The following AGBL1 variants were observed in gnomAD, a reference collection of about 807,000 sequenced individuals.
AGBL1 encodes AGBL carboxypeptidase 1, also known as cytosolic carboxypeptidase 4.
A neutral mutation model predicts 118.9 loss-of-function variants in AGBL1; 130 were observed. That is an observed-to-expected ratio of 1.09 (90% CI 0.95 to 1.26). The LOEUF (loss-of-function observed/expected upper bound fraction) is 1.26. Ranked by LOEUF, AGBL1 falls within the 50% of genes most tolerant of loss-of-function variation. The pLI, the probability that AGBL1 is intolerant of heterozygous loss-of-function variation, is 0.00. For missense variants in AGBL1, 1,584 were observed against 1,298.1 expected (o/e 1.22, Z -3.38); for synonymous variants, 555 against 478.9 (o/e 1.16, Z -2.08).
chr15:86,863,760 A>G (rs1463499649), intron 22 of AGBL1, among the ~76,000 whole-genome samples: 1 of 152,226 alleles, frequency 6.6e-6, no homozygotes, highest in Non-Finnish European at 1.5e-5. Flanking sequence ...AAATGTGATC[A>G]TATCTGTGCA....
At position 86,143,831 on chromosome 15, in the gene AGBL1, A is replaced by T. The variant is rs1597452151; in HGVS notation, c.248A>T (p.Lys83Ile). ...ILLPLFRLLA[K>I]VGLRDKKIGR... ...CTGCCTCTCTTCCGGCTGCTGGCCA[A>T]AGTTGGCCTAAGAGGTACTCGTACT... The change falls in exon 3 of 23, where the codon AAA (lysine) becomes ATA (isoleucine). Residue 83 changes from lysine (K) to isoleucine (I), a missense_variant. Coordinates refer to ENST00000614907, the MANE Select transcript of AGBL1 (RefSeq NM_001386094.1). The T allele has an allele frequency of 2.5e-6, 4 of 1,613,638 alleles. No individual in the cohort carries two copies. The South Asian group carries it at 3.3e-5, about 13-fold the overall frequency.
At chr15:86,659,104 T>A (rs2085502455) in intron 21 of AGBL1, among the ~76,000 whole-genome samples, 1 of 152,112 alleles carries the variant, frequency 6.6e-6, no homozygotes, top group Non-Finnish European at 1.5e-5. Flanking sequence ...CCCCTCCACA[T>A]CCCTTTCCTA....
At chr15:86,733,701 G>A (rs2077557484) in intron 22 of AGBL1, among the ~76,000 whole-genome samples, 1 of 152,164 alleles carries the variant, frequency 6.6e-6, no homozygotes, top group Non-Finnish European at 1.5e-5. Flanking sequence ...ACAATCTTAT[G>A]AGGAGCTATC....
intron 22 of AGBL1, among the ~76,000 whole-genome samples, chr15:86,678,322 C>T (rs752409026): frequency 1.3e-5 from 2 of 152,060 alleles, no homozygotes; most frequent in Non-Finnish European, 2.9e-5. Flanking sequence ...TTTATAAACA[C>T]TTGTTCCTAT....
chr15:86,420,211 G>C (rs1244366861), intron 18 of AGBL1, among the ~76,000 whole-genome samples: 1 of 152,184 alleles, frequency 6.6e-6, no homozygotes, highest in Non-Finnish European at 1.5e-5. Context: ...CCTCACACAG[G>C]AGAGCTTCGG....
At chr15:86,167,452 G>T (rs986268348) in intron 5 of AGBL1, among the ~76,000 whole-genome samples, 3 of 152,058 alleles carry the variant, frequency 2.0e-5, no homozygotes, top group Non-Finnish European at 4.4e-5. Flanking sequence ...CACCATGTTG[G>T]CCAGGCTGAT....
At chr15:86,472,497 A>T (rs955806257) in intron 18 of AGBL1, among the ~76,000 whole-genome samples, 1 of 152,236 alleles carries the variant, frequency 6.6e-6, no homozygotes, top group African/African-American at 2.4e-5. Context: ...TCCTAACATT[A>T]TACAATTTTA....
At chr15:86,697,101 T>A (rs572232728) in intron 22 of AGBL1, among the ~76,000 whole-genome samples, 2 of 152,136 alleles carry the variant, frequency 1.3e-5, no homozygotes, top group South Asian at 4.1e-4. Flanking sequence ...GTGATAAATT[T>A]CCCAGGTGTT....
downstream of AGBL1, among the ~76,000 whole-genome samples, chr15:87,030,385 A>C (rs904084778): frequency 1.3e-5 from 2 of 152,010 alleles, no homozygotes; most frequent in African/African-American, 4.8e-5. Flanking sequence ...TTTTATTTCT[A>C]CTGGGGCAGC....
At chr15:86,088,656 T>C (rs1222394845) in intron 1 of AGBL1, among the ~76,000 whole-genome samples, 1 of 152,218 alleles carries the variant, frequency 6.6e-6, no homozygotes, top group East Asian at 1.9e-4. Context: ...GGTGTGCCAC[T>C]CAAAAAGCGT....
chr15:86,285,964 G>A (rs193266879), intron 16 of AGBL1, among the ~76,000 whole-genome samples: 103 of 152,010 alleles, frequency 6.8e-4, no homozygotes, highest in Middle Eastern at 3.4e-3. Context: ...ACCTGCTTCC[G>A]CATATCTGAT....
At chr15:86,290,510 C>T (rs910683558) in intron 16 of AGBL1, among the ~76,000 whole-genome samples, 4 of 151,268 alleles carry the variant, frequency 2.6e-5, no homozygotes, top group African/African-American at 9.7e-5. Flanking sequence ...ACCACCATGC[C>T]CAGCAATTTT....
chr15:86,554,385 C>G lies in AGBL1; in HGVS notation c.2842C>G (p.Leu948Val). The change falls in exon 21 of 23, where the codon CTA becomes GTA. Residue 948 changes from leucine (L) to valine (V), a missense_variant. Transcript: ENST00000614907. ...YRTLPKILDK[L>V]APAFTMSSCS... is the part of the protein sequence containing the mutation. ...GACTCTTCCCAAAATCCTTGATAAGCTAGCACCAGCATTCACAATGAGCAG... is the reference window on the plus strand; with the variant it reads ...GACTCTTCCCAAAATCCTTGATAAGGTAGCACCAGCATTCACAATGAGCAG... The G allele has an allele frequency of 6.3e-7, 1 of 1,584,728 alleles. No homozygotes were observed. The highest frequency in any genetic ancestry group is 8.6e-7 in the Non-Finnish European group (1 of 1,165,340).
rs187421840 is a variant in AGBL1 at position 86,175,099 on chromosome 15, G to A, written c.488+16073G>A. On this transcript the variant is annotated intron_variant, in intron 5 of 22. Coordinates refer to ENST00000614907, the MANE Select transcript of AGBL1 (RefSeq NM_001386094.1). Reference sequence around the variant, plus strand: ...AATTGGTGTTAGTACTTCCTTATAAGTTTGGTAGAATTCATCAGTAAAGTC... The same window carrying A: ...AATTGGTGTTAGTACTTCCTTATAAATTTGGTAGAATTCATCAGTAAAGTC... Among the ~76,000 whole-genome samples the A allele has an allele frequency of 3.8e-3, 571 of 152,040 alleles. 6 individuals are homozygous for A. The highest frequency in any genetic ancestry group is 0.013 in the African/African-American group (534 of 41,500).
Position 86,143,702 on chromosome 15 carries a change from C to T in AGBL1, c.119C>T (p.Thr40Ile). 1 of 1,613,456 alleles carries T rather than the reference C, an allele frequency of 6.2e-7. No individual in the cohort carries two copies. Among genetic ancestry groups the T allele is most frequent in the South Asian group, 1.1e-5 (1 of 91,052 alleles). The change falls in exon 3 of 23, where the codon ACA becomes ATA. Residue 40 changes from threonine (T) to isoleucine (I), a missense_variant. Thr to Ile is a moderately conservative substitution (Grantham distance 89). Coordinates refer to ENST00000614907, the MANE Select transcript of AGBL1 (RefSeq NM_001386094.1). Reference sequence around the variant, plus strand: ...CTTTCCTCCGGTTTCCCCTCAGGCACAGACCGGAGAATTCACTACATGATC... The same window carrying T: ...CTTTCCTCCGGTTTCCCCTCAGGCATAGACCGGAGAATTCACTACATGATC... Reference protein sequence around the residue: ...KVLGDLLSVGTDRRIHYMISK... With the variant: ...KVLGDLLSVGIDRRIHYMISK...
chr15:86,539,222 T>C (rs1338374765), intron 19 of AGBL1, among the ~76,000 whole-genome samples: 2 of 152,228 alleles, frequency 1.3e-5, no homozygotes, highest in Non-Finnish European at 2.9e-5. Flanking sequence ...TCTGCATTTC[T>C]TCCTATGTTC....
intron 16 of AGBL1, among the ~76,000 whole-genome samples, chr15:86,283,747 A>G (rs2079394064): frequency 6.6e-6 from 1 of 152,092 alleles, no homozygotes; most frequent in Non-Finnish European, 1.5e-5. Context: ...ACCCCAATAA[A>G]GGTTCTTGAT....
At chr15:86,874,919 C>T (rs1486836025) in intron 22 of AGBL1, among the ~76,000 whole-genome samples, 1 of 151,886 alleles carries the variant, frequency 6.6e-6, no homozygotes, top group African/African-American at 2.4e-5. Flanking sequence ...AGAAGGTCTC[C>T]CGGCATGACC....
intron 21 of AGBL1, among the ~76,000 whole-genome samples, chr15:86,635,337 C>A (rs1050425445): frequency 5.2e-5 from 4 of 76,744 alleles, no homozygotes; most frequent in Non-Finnish European, 8.4e-5. Context: ...TCCTCCTCCT[C>A]CTACTCCTCT....
Sources: gnomAD v4.1 joint callset for allele counts (sites outside exome capture counted in the v4.1 genomes callset) on GRCh38, gnomAD v4.1.1 for gene constraint, MANE v1.5 for transcripts, NCBI Gene and HGNC (gene_info 2026-07-23, HGNC 2026-07-21) for gene names.